Variants in LPP observed in about 807,000 individuals in gnomAD.
The protein encoded by LPP is LIM domain containing preferred translocation partner in lipoma.
A neutral mutation model predicts 60.4 loss-of-function variants in LPP; 38 were observed. That is an observed-to-expected ratio of 0.63 (90% confidence interval 0.49 to 0.83). The LOEUF (loss-of-function observed/expected upper bound fraction) is 0.83, where lower values mean the gene tolerates loss of function less well. Among genes scored for constraint, LPP ranks in the 40% least tolerant of loss-of-function variants. The pLI is 0.00. For missense variants in LPP, 902 were observed against 783.6 expected, an observed-to-expected ratio of 1.15 and a Z score of -1.80; for synonymous variants, 328 against 290.8, an observed-to-expected ratio of 1.13 and a Z score of -1.30.
intron 6 of LPP, among the ~76,000 whole-genome samples, chr3:188,607,408 TA>T (rs1560628851): frequency 0.12 from 4,947 of 42,620 alleles, 336 homozygotes; most frequent in Non-Finnish European, 0.17. Flanking sequence ...TATATATATA[TA>T]TATATATAAT....
At chr3:188,555,166 GCT>G (rs1335973255) in intron 6 of LPP, among the ~76,000 whole-genome samples, 1 of 152,102 alleles carries the variant, frequency 6.6e-6, no homozygotes, top group Non-Finnish European at 1.5e-5. Context: ...GAAGATCATG[GCT>G]GGCATCTGGC....
At chr3:188,171,165 G>C (rs1391974908) in intron 1 of LPP, among the ~76,000 whole-genome samples, 5 of 152,168 alleles carry the variant, frequency 3.3e-5, no homozygotes, top group African/African-American at 4.8e-5. Context: ...ACTAGAAAAT[G>C]TTGAATTTGA....
At chr3:188,457,568 C>G (rs1232862234) in intron 4 of LPP, among the ~76,000 whole-genome samples, 1 of 151,524 alleles carries the variant, frequency 6.6e-6, no homozygotes, top group Non-Finnish European at 1.5e-5. Flanking sequence ...TGTATCAGTT[C>G]TCCCAACACT....
intron 4 of LPP, among the ~76,000 whole-genome samples, chr3:188,437,587 G>A (rs1792658015): frequency 6.6e-6 from 1 of 152,068 alleles, no homozygotes; most frequent in Non-Finnish European, 1.5e-5. Context: ...TATGTTTATA[G>A]TTTTCATAAT....
intron 2 of LPP, among the ~76,000 whole-genome samples, chr3:188,239,657 AG>A (rs1020654894): frequency 6.6e-6 from 1 of 152,182 alleles, no homozygotes; most frequent in Non-Finnish European, 1.5e-5. Flanking sequence ...CATTGTTCAA[AG>A]AAAGGCATTA....
chr3:188,723,359 T>G (rs1277975148), intron 8 of LPP, among the ~76,000 whole-genome samples: 2 of 152,216 alleles, frequency 1.3e-5, no homozygotes, highest in Non-Finnish European at 2.9e-5. Context: ...GTCTATAGTC[T>G]GCTAAAATTG....
chr3:188,358,246 G>A (rs1768190234), intron 3 of LPP, among the ~76,000 whole-genome samples: 1 of 152,160 alleles, frequency 6.6e-6, no homozygotes, highest in Admixed American at 6.5e-5. Context: ...AATAGCTAAA[G>A]CCAGGATATG....
intron 2 of LPP, among the ~76,000 whole-genome samples, chr3:188,339,447 G>A (rs1199108382): frequency 1.3e-5 from 2 of 152,156 alleles, no homozygotes; most frequent in African/African-American, 4.8e-5. Context: ...AGAACTGCCA[G>A]AGACCACGTA....
At chr3:188,370,754 G>A (rs528329261) in intron 3 of LPP, among the ~76,000 whole-genome samples, 2 of 152,200 alleles carry the variant, frequency 1.3e-5, no homozygotes, top group South Asian at 4.2e-4. Context: ...TGAGGAGGTC[G>A]CTGTGGCATG....
chr3:188,587,457 C>T (rs913884227), intron 6 of LPP, among the ~76,000 whole-genome samples: 1 of 152,126 alleles, frequency 6.6e-6, no homozygotes, highest in Non-Finnish European at 1.5e-5. Context: ...TGTTACTACA[C>T]TCCATGGTCT....
At chr3:188,383,136 T>C (rs1560330077) in intron 3 of LPP, among the ~76,000 whole-genome samples, 1 of 152,196 alleles carries the variant, frequency 6.6e-6, no homozygotes, top group South Asian at 2.1e-4. Context: ...ATTTTTAAAG[T>C]TTTTTGGATG....
chr3:188,708,874 T>C (rs1196843735), intron 8 of LPP: 2 of 163,464 alleles, frequency 1.2e-5, no homozygotes, highest in African/African-American at 4.8e-5. Flanking sequence ...CCCTGTTTTT[T>C]TGTTTTTTGT....
chr3:188,449,158 T>C (rs1796016292), intron 4 of LPP, among the ~76,000 whole-genome samples: 1 of 152,216 alleles, frequency 6.6e-6, no homozygotes, highest in African/African-American at 2.4e-5. Context: ...TTGACATGAT[T>C]CCATGAATAT....
At chr3:188,384,374 G>A (rs956573411) in intron 3 of LPP, among the ~76,000 whole-genome samples, 6 of 148,866 alleles carry the variant, frequency 4.0e-5, no homozygotes, top group African/African-American at 1.2e-4. Context: ...ACATACATGT[G>A]TACACACCAT....
intron 9 of LPP, among the ~76,000 whole-genome samples, chr3:188,820,873 C>T (rs1247560435): frequency 6.6e-6 from 1 of 152,054 alleles, no homozygotes; most frequent in African/African-American, 2.4e-5. Flanking sequence ...GTATACGAAA[C>T]TTGTATAGGA....
At chr3:188,337,789 C>T (rs1305383698) in intron 2 of LPP, among the ~76,000 whole-genome samples, 4 of 152,186 alleles carry the variant, frequency 2.6e-5, no homozygotes, top group African/African-American at 2.4e-5. Flanking sequence ...CACGAACCAT[C>T]GTGCCTGGCC....
chr3:188,370,614 C>T (rs1321517189), intron 3 of LPP, among the ~76,000 whole-genome samples: 1 of 152,128 alleles, frequency 6.6e-6, no homozygotes. Context: ...TCACAGTTTA[C>T]GCAATTTGTT....
intron 9 of LPP, among the ~76,000 whole-genome samples, chr3:188,786,459 T>C (rs1560203297): frequency 6.7e-6 from 1 of 148,876 alleles, no homozygotes; most frequent in South Asian, 2.1e-4. Context: ...ACTGCATCAA[T>C]TATATTTTGC....
At chr3:188,679,990 G>A (rs1404199845) in intron 7 of LPP, among the ~76,000 whole-genome samples, 3 of 152,220 alleles carry the variant, frequency 2.0e-5, no homozygotes, top group African/African-American at 7.2e-5. Flanking sequence ...CTGGTATGAG[G>A]AAGAAACAGC....
Sources: allele counts gnomAD v4.1 joint callset (sites outside exome capture counted in the v4.1 genomes callset), GRCh38; gene constraint gnomAD v4.1.1; transcripts MANE v1.5; gene names NCBI Gene and HGNC (gene_info 2026-07-23, HGNC 2026-07-21).